TTLL11: variants seen among roughly 807,000 people sequenced by gnomAD.
TTLL11 encodes tubulin polyglutamylase TTLL11.
Under a neutral mutation model 51.7 loss-of-function variants are expected in TTLL11, and 42 were observed. The observed-to-expected ratio is 0.81, with a 90% CI of 0.64 to 1.05. The LOEUF (loss-of-function observed/expected upper bound fraction) is 1.05, where lower values mean the gene tolerates loss of function less well. Ranked by LOEUF, TTLL11 falls within the 50% of genes least tolerant of loss-of-function variation. The pLI is 0.00. For synonymous variants in TTLL11, 381 were observed against 383.5 expected (o/e 0.99, Z 0.08); for missense variants, 799 against 940.4 (o/e 0.85, Z 1.97).
At chr9:121,866,661 A>AG (rs889568411) in intron 7 of TTLL11, among the ~76,000 whole-genome samples, 74 of 149,266 alleles carry the variant, frequency 5.0e-4, no homozygotes, top group Non-Finnish European at 1.0e-3. Context: ...CTCCATCTCA[A>AG]AAAAAAAAAA....
At chr9:122,054,457 A>C (rs1205199216) in intron 1 of TTLL11, among the ~76,000 whole-genome samples, 1 of 152,300 alleles carries the variant, frequency 6.6e-6, no homozygotes, top group Non-Finnish European at 1.5e-5. Flanking sequence ...AAAACTTCAC[A>C]AACTTCTAAA....
chr9:121,910,399 C>T (rs993239765), intron 6 of TTLL11, among the ~76,000 whole-genome samples: 5 of 152,192 alleles, frequency 3.3e-5, no homozygotes, highest in Non-Finnish European at 7.3e-5. Flanking sequence ...CACTGTTCTT[C>T]GTAACAGCTC....
intron 6 of TTLL11, among the ~76,000 whole-genome samples, chr9:121,880,341 T>C (rs966188323): frequency 5.9e-5 from 9 of 152,048 alleles, no homozygotes; most frequent in African/African-American, 1.9e-4. Context: ...ATCCTCCACA[T>C]CCACATCCCT....
intron 6 of TTLL11, among the ~76,000 whole-genome samples, chr9:121,949,080 CTGCCACTCACTCTTGTGAGATGG>C (rs1419758307): frequency 6.6e-6 from 1 of 152,090 alleles, no homozygotes; most frequent in Non-Finnish European, 1.5e-5. Flanking sequence ...GTCAGACACT[CTGCCACTCACTCTTGTGAGATGG>C]GGCCATCTCA....
chr9:121,926,032 C>T (rs1211218847), intron 6 of TTLL11, among the ~76,000 whole-genome samples: 1 of 152,180 alleles, frequency 6.6e-6, no homozygotes, highest in African/African-American at 2.4e-5. Context: ...CAAAAAGATA[C>T]CAGTTTACGC....
intron 8 of TTLL11, among the ~76,000 whole-genome samples, chr9:121,840,175 A>G (rs7043017): frequency 0.063 from 9,585 of 152,220 alleles, 841 homozygotes; most frequent in African/African-American, 0.2. Context: ...CTTTCACTGT[A>G]TTCATGCCTA....
chr9:121,826,250 G>T (rs1161197719), intron 8 of TTLL11, among the ~76,000 whole-genome samples: 1 of 83,244 alleles, frequency 1.2e-5, no homozygotes, highest in African/African-American at 4.3e-5. Flanking sequence ...ACATATATAT[G>T]GGTTATATAT....
chr9:121,993,514 G>A (rs748543535), intron 3 of TTLL11, among the ~76,000 whole-genome samples: 4 of 152,184 alleles, frequency 2.6e-5, no homozygotes, highest in African/African-American at 7.2e-5. Flanking sequence ...CCTGGCTTCC[G>A]CCAGCGAGCA....
intron 6 of TTLL11, among the ~76,000 whole-genome samples, chr9:121,873,900 G>A (rs1160318007): frequency 2.1e-5 from 3 of 145,556 alleles, no homozygotes; most frequent in African/African-American, 5.2e-5. Flanking sequence ...GTGTAGTGGC[G>A]TGATCTTGGC....
intron 7 of TTLL11, among the ~76,000 whole-genome samples, chr9:121,863,236 G>A (rs1032752261): frequency 2.0e-4 from 31 of 152,286 alleles, no homozygotes; most frequent in African/African-American, 6.5e-4. Flanking sequence ...TCACCAAGAC[G>A]GCTATCTACT....
chr9:121,955,934 A>C (rs73662540), intron 6 of TTLL11, among the ~76,000 whole-genome samples: 11,787 of 152,230 alleles, frequency 0.077, 684 homozygotes, highest in African/African-American at 0.16. Context: ...AGTGGAACAT[A>C]ATTTATCTAT....
chr9:121,989,996 T>C lies in TTLL11; in HGVS notation c.694-226A>G, dbSNP rs1390166218. Among the ~76,000 whole-genome samples the C allele has an allele frequency of 6.6e-6, 1 of 152,206 alleles. No homozygotes were observed. Among genetic ancestry groups the C allele is most frequent in the Non-Finnish European group, 1.5e-5 (1 of 68,028 alleles). On this transcript the variant is annotated intron_variant, in intron 3 of 8. Transcript: ENST00000321582. The surrounding 1 kb of genome is among the most constrained non-coding windows in gnomAD (Gnocchi z 4.2). ...CTCCAGAGCGAGGTGGAGAGTGTAGTGGACTGGCAGTCACAAGACCTGGGT... is the reference window on the plus strand; with the variant it reads ...CTCCAGAGCGAGGTGGAGAGTGTAGCGGACTGGCAGTCACAAGACCTGGGT...
At chr9:121,939,620 A>G (rs557881723) in intron 6 of TTLL11, among the ~76,000 whole-genome samples, 10 of 152,310 alleles carry the variant, frequency 6.6e-5, no homozygotes, top group Admixed American at 5.9e-4. Flanking sequence ...AAAACTGTTC[A>G]TATCTGCAGA....
At position 121,989,531 on chromosome 9, in the gene TTLL11, C is replaced by G; in HGVS notation, c.933G>C (p.Glu311Asp). The change falls in exon 4 of 9, where the codon GAG becomes GAC. Residue 311 changes from glutamate to aspartate, a missense_variant. Around this residue, in one of 3 missense-constraint regions of TTLL11, gnomAD observed 468 missense variants for 612.8 expected, o/e 0.76. Transcript: ENST00000321582. The surrounding 1 kb of genome is among the most constrained non-coding windows in gnomAD (Gnocchi z 4.2). ...AGAGTCCGTCTTTGGCTATATAAAT[C>G]TCTAAGGGGTCTAAGGACTTGAGTA... ...YVLLKSLDPL[E>D]IYIAKDGLSR... 6.2e-7 allele frequency: 1 copy of G among 1,614,122 alleles called. No homozygotes were observed.
chr9:121,899,656 A>G (rs1839697710), intron 6 of TTLL11, among the ~76,000 whole-genome samples: 1 of 151,966 alleles, frequency 6.6e-6, no homozygotes, highest in African/African-American at 2.4e-5. Context: ...CTCCTGCCTC[A>G]GTCTCCCAAA....
chr9:121,968,938 C>T (rs1337137193), intron 6 of TTLL11, among the ~76,000 whole-genome samples: 2 of 150,190 alleles, frequency 1.3e-5, no homozygotes, highest in African/African-American at 2.5e-5. Context: ...GGCACGATCT[C>T]GGCTCACTGC....
chr9:122,007,323 C>T (rs112913862), intron 3 of TTLL11, among the ~76,000 whole-genome samples: 3,693 of 151,676 alleles, frequency 0.024, 140 homozygotes, highest in African/African-American at 0.085. Flanking sequence ...CCTGTCTCTA[C>T]TAAAAATACA....
At chr9:121,943,124 C>T (rs1267896984) in intron 6 of TTLL11, among the ~76,000 whole-genome samples, 2 of 152,122 alleles carry the variant, frequency 1.3e-5, no homozygotes, top group African/African-American at 4.8e-5. Flanking sequence ...CACCCCCATC[C>T]GGAGGCAGGT....
At chr9:121,840,626 C>T (rs1178878371) in intron 8 of TTLL11, among the ~76,000 whole-genome samples, 1 of 152,106 alleles carries the variant, frequency 6.6e-6, no homozygotes, top group Non-Finnish European at 1.5e-5. Flanking sequence ...GAACTCCTGA[C>T]CTTAAGTGAT....
Sources: gnomAD v4.1 joint callset for allele counts (sites outside exome capture counted in the v4.1 genomes callset) on GRCh38, gnomAD v4.1.1 for gene constraint, gnomAD v4.1.1 regional missense constraint, Gnocchi (gnomAD v3.1) non-coding constraint, MANE v1.5 for transcripts, NCBI Gene and HGNC (gene_info 2026-07-23, HGNC 2026-07-21) for gene names.